Variants in WDR87 observed in about 807,000 individuals in gnomAD.
The protein encoded by WDR87 is WD repeat-containing protein 87.
In WDR87, 56 loss-of-function variants were observed where a neutral mutation model predicts 83.3. The ratio of observed to expected loss-of-function variants is 0.67; its 90% CI spans 0.54 to 0.84. The LOEUF (loss-of-function observed/expected upper bound fraction) is 0.84, where lower values mean the gene tolerates loss of function less well. Among genes scored for constraint, WDR87 ranks in the 40% least tolerant of loss-of-function variants. The pLI, the probability that WDR87 is intolerant of heterozygous loss-of-function variation, is 0.00. For missense variants in WDR87, 2,939 were observed against 3,431.9 expected (o/e 0.86, Z 3.59); for synonymous variants, 1,173 against 1,250.6 (o/e 0.94, Z 1.31).
At position 37,896,456 on chromosome 19, in the gene WDR87, C is replaced by G. The variant is rs192204827; in HGVS notation, c.76-148G>C. ...TTACACTCACACGTGCATAACTTAT[C>G]ACCTGTGGCACAGCTATACTTCACA... is the stretch of plus-strand genomic sequence containing the variant. On this transcript the variant is annotated intron_variant, in intron 2 of 5. Transcript: ENST00000447313. 678 of 768,462 alleles carry G rather than the reference C, an allele frequency of 8.8e-4. 13 individuals carry two copies. The East Asian group carries it at 0.017, about 20-fold the overall frequency. The allele number at this position is 768,462 out of a possible 1,614,324, so 47.6% of individuals were successfully genotyped here. A position where few individuals can be genotyped will look rare whatever the true frequency, so the allele number is the denominator to read the frequency against.
At chr19:37,900,699 T>G (rs1034306909) in intron 1 of WDR87, among the ~76,000 whole-genome samples, 4 of 152,016 alleles carry the variant, frequency 2.6e-5, no homozygotes, top group Non-Finnish European at 4.4e-5. Flanking sequence ...TGGGACTGGC[T>G]GGCAGCACAC....
rs770688240 is a variant in WDR87 at position 37,887,638 on chromosome 19, C to T, written c.6033G>A (p.Glu2011=). ...ALNLEMKRLA[E]EKMRLVEGKE... The stretch of plus-strand genomic sequence containing the variant: ...TTCCCTCAACCAGTCTCATCTTCTC[C>T]TCAGCCAGTCTTTTCATTTCCAGGT... The change falls in exon 6 of 6, where the codon GAG becomes GAA. Residue 2011 remains glutamate (E), a synonymous_variant. Transcript: ENST00000447313. 1 of 1,552,022 alleles carries T rather than the reference C, an allele frequency of 6.4e-7. No individual in the cohort carries two copies. Among genetic ancestry groups the T allele is most frequent in the East Asian group, 2.4e-5 (1 of 40,932 alleles).
chr19:37,889,731 C>A lies in WDR87; in HGVS notation c.3940G>T (p.Glu1314Ter), dbSNP rs1352796531. ...CTGGGGTGCCTATCTACCAGCATCT[C>A]CTGAGCAAATGTCACTAGCTCAGCG... Reference protein sequence around the residue: ...LNAELVTFAQEMLVDRHPSWE... With the variant: ...LNAELVTFAQ Residue 1314 changes from glutamate (E) to a stop codon, truncating the protein, a stop_gained, in exon 6 of 6, where the codon GAG becomes TAG. Coordinates refer to ENST00000447313, the MANE Select transcript of WDR87 (RefSeq NM_001291088.2). LOFTEE classifies it low-confidence loss of function (END_TRUNC). 1.3e-6 allele frequency: 2 copies of A among 1,551,728 alleles called. No individual in the cohort carries two copies. The highest frequency in any genetic ancestry group is 2.4e-5 in the South Asian group (2 of 84,062).
Position 37,896,272 on chromosome 19 carries a change from G to C in WDR87, c.112C>G (p.Leu38Val), listed in dbSNP as rs773365686. The C allele has an allele frequency of 6.4e-7, 1 of 1,551,960 alleles. No homozygotes were observed. Among genetic ancestry groups the C allele is most frequent in the South Asian group, 1.2e-5 (1 of 84,062 alleles). Residue 38 changes from leucine (L) to valine (V), a missense_variant, in exon 3 of 6, where the codon CTG becomes GTG. By Grantham distance (32) the Leu-to-Val change is conservative. Transcript: ENST00000447313. ...AACAGTACCTGGGACCGGTCACTCA[G>C]CACAATCAGGCAGTTCTTTGGGTCT... ...SEDPKNCLIV[L>V]SDRSQVLFKE...
In WDR87 at chr19:37,895,308, A is replaced by T. The variant is rs2046245217; in HGVS notation, c.395T>A (p.Leu132His). The T allele has an allele frequency of 6.4e-7, 1 of 1,551,610 alleles. No individual in the cohort carries two copies. The highest frequency in any genetic ancestry group is 1.4e-5 in the African/African-American group (1 of 73,054). ...GAATGCCCGAAAGTGGTCCCCAAAG[A>T]GTCGCAGGATCAGGTCACCACAGTA... Reference protein sequence around the residue: ...VVYCGDLILRLFGDHFRAFKP... With the variant: ...VVYCGDLILRHFGDHFRAFKP... The change falls in exon 4 of 6, where the codon CTC becomes CAC. Residue 132 changes from leucine (L) to histidine (H), a missense_variant. Physicochemically the swap from Leu to His is moderately conservative, Grantham distance 99 (BLOSUM62 -3). Transcript: ENST00000447313.
Position 37,892,893 on chromosome 19 carries a change from T to C in WDR87, c.2810A>G (p.Tyr937Cys). Residue 937 changes from tyrosine (Y) to cysteine (C), a missense_variant, in exon 4 of 6, where the codon TAC becomes TGC. This residue lies in a region of WDR87 where 2,160 missense variants were observed against 2,533.1 expected (regional missense o/e 0.85). Coordinates refer to ENST00000447313, the MANE Select transcript of WDR87 (RefSeq NM_001291088.2). ...NIMVHASLLK[Y>C]QCCVGALGQI... ...CCCTAGTGCACCAACACAGCACTGG[T>C]ACTTCAGCAAGGAAGCATGGACCAT... is the stretch of plus-strand genomic sequence containing the variant. 1 of 1,552,088 alleles carries C rather than the reference T, an allele frequency of 6.4e-7. No individual in the cohort carries two copies. Among genetic ancestry groups the C allele is most frequent in the Non-Finnish European group, 8.7e-7 (1 of 1,147,062 alleles).
At position 37,889,055 on chromosome 19, in the gene WDR87, C is replaced by T; in HGVS notation, c.4616G>A (p.Gly1539Glu). Residue 1539 changes from glycine to glutamate, a missense_variant, in exon 6 of 6, where the codon GGA becomes GAA. Physicochemically the swap from Gly to Glu is moderately conservative, Grantham distance 98 (BLOSUM62 -2). This residue lies in a region of WDR87 where 2,160 missense variants were observed against 2,533.1 expected (regional missense o/e 0.85). Transcript: ENST00000447313. ...TTCCTCCTCCGGGGATAGCTTCTCT[C>T]CAGCCTGATGTAGTTTCTCCTCTTC... ...LQEEEKLHQA[G>E]EKLSPEEEML... 2.6e-6 allele frequency: 4 copies of T among 1,552,076 alleles called. No individual in the cohort carries two copies. The highest frequency in any genetic ancestry group is 3.5e-6 in the Non-Finnish European group (4 of 1,147,080).
rs541048109 is a variant in WDR87, at chr19:37,893,120, G to C, written c.2583C>G (p.Phe861Leu). The change falls in exon 4 of 6, where the codon TTC becomes TTG. Residue 861 changes from phenylalanine (F) to leucine (L), a missense_variant. Physicochemically the swap from Phe to Leu is conservative, Grantham distance 22. This residue lies in a region of WDR87 where 2,160 missense variants were observed against 2,533.1 expected (regional missense o/e 0.85). Transcript: ENST00000447313. ...RELEWDRSQE[F>L]FFWHSRVRAI... ...CTCTTACCCTGCTGTGCCAGAAAAAGAATTCTTGAGACCTGTCCCATTCCA... is the reference window on the plus strand; with the variant it reads ...CTCTTACCCTGCTGTGCCAGAAAAACAATTCTTGAGACCTGTCCCATTCCA... 36 of 1,551,676 alleles carry C rather than the reference G, an allele frequency of 2.3e-5. No individual in the cohort carries two copies. The highest frequency in any genetic ancestry group is 3.0e-5 in the Non-Finnish European group (34 of 1,147,038).
Position 37,885,237 on chromosome 19 carries a change from G to T in WDR87, c.8434C>A (p.Gln2812Lys). The change falls in exon 6 of 6, where the codon CAG becomes AAG. Residue 2812 changes from glutamine (Q) to lysine (K), a missense_variant. This residue lies in a region of WDR87 where 2,160 missense variants were observed against 2,533.1 expected (regional missense o/e 0.85). Coordinates refer to ENST00000447313, the MANE Select transcript of WDR87 (RefSeq NM_001291088.2). Reference sequence around the variant, plus strand: ...GGTTCCTCTCTCATTAGCAGCTCCTGAAGCAGCTTCTGGATTCTGGGGGAC... The same window carrying T: ...GGTTCCTCTCTCATTAGCAGCTCCTTAAGCAGCTTCTGGATTCTGGGGGAC... The part of the protein sequence containing the change: ...LKSPRIQKLL[Q>K]ELLMREEPQP... 1 of 1,509,208 alleles carries T rather than the reference G, an allele frequency of 6.6e-7. No individual in the cohort carries two copies. Among genetic ancestry groups the T allele is most frequent in the South Asian group, 1.3e-5 (1 of 75,242 alleles). The allele number at this position is 1,509,208 out of a possible 1,614,324, so 93.5% of individuals were successfully genotyped here.
Position 37,889,547 on chromosome 19 carries a change from A to G in WDR87, c.4124T>C (p.Val1375Ala). Reference protein sequence around the residue: ...EDMIQGVTQEVIRHKEVMPRE... With the variant: ...EDMIQGVTQEAIRHKEVMPRE... ...TGGCATCACTTCCTTGTGTCTGATCACCTCTTGGGTCACACCTTGTATCAT... is the reference window on the plus strand; with the variant it reads ...TGGCATCACTTCCTTGTGTCTGATCGCCTCTTGGGTCACACCTTGTATCAT... The change falls in exon 6 of 6, where the codon GTG (valine) becomes GCG (alanine). Residue 1375 changes from valine to alanine, a missense_variant. Coordinates refer to ENST00000447313, the MANE Select transcript of WDR87 (RefSeq NM_001291088.2). 1 of 1,551,398 alleles carries G rather than the reference A, an allele frequency of 6.4e-7. No individual in the cohort carries two copies. Among genetic ancestry groups the G allele is most frequent in the Non-Finnish European group, 8.7e-7 (1 of 1,146,960 alleles).
chr19:37,901,462 AAAC>A (rs1248719710), intron 1 of WDR87, among the ~76,000 whole-genome samples: 2 of 152,022 alleles, frequency 1.3e-5, no homozygotes, highest in Admixed American at 1.3e-4. Flanking sequence ...CAAAAAACCC[AAAC>A]AACAACCACA....
intron 5 of WDR87, among the ~76,000 whole-genome samples, chr19:37,891,185 A>G (rs2046201934): frequency 7.6e-6 from 1 of 131,086 alleles, no homozygotes; most frequent in Admixed American, 8.2e-5. Flanking sequence ...TTTTTTTGAG[A>G]TGGAGTTTCG....
intron 3 of WDR87, 137 bp from the exon 4 acceptor site, chr19:37,895,593 C>T (rs570513639): frequency 1.4e-6 from 1 of 726,298 alleles, no homozygotes; most frequent in East Asian, 2.7e-5. Context: ...CATGGTGAAA[C>T]CCCATCTCTA....
At position 37,893,389 on chromosome 19, in the gene WDR87, T is replaced by C. The variant is rs2046224606; in HGVS notation, c.2314A>G (p.Met772Val). The change falls in exon 4 of 6, where the codon ATG (methionine) becomes GTG (valine). Residue 772 changes from methionine to valine, a missense_variant. Transcript: ENST00000447313. ...TTGCTCACCTGCATCCAATCTTCCA[T>C]GTCCTGCAAAGAATAATGCATGGAG... Reference protein sequence around the residue: ...RSSMHYSLQDMEDWMQVSKRY... With the variant: ...RSSMHYSLQDVEDWMQVSKRY... 8 of 1,552,184 alleles carry C rather than the reference T, an allele frequency of 5.2e-6. No homozygotes were observed. Among genetic ancestry groups the C allele is most frequent in the Non-Finnish European group, 7.0e-6 (8 of 1,147,112 alleles).
At chr19:37,904,684 T>A (rs2046313001) in intron 1 of WDR87, among the ~76,000 whole-genome samples, 1 of 152,156 alleles carries the variant, frequency 6.6e-6, no homozygotes, top group Admixed American at 6.5e-5. Flanking sequence ...AGTGATAGTA[T>A]ACTATATACA....
intron 1 of WDR87, among the ~76,000 whole-genome samples, chr19:37,899,255 C>T (rs891471474): frequency 2.0e-5 from 3 of 151,714 alleles, no homozygotes; most frequent in African/African-American, 7.3e-5. Flanking sequence ...CCCGTCTCTA[C>T]TAAAAATACA....
Position 37,886,311 on chromosome 19 carries a change from A to G in WDR87, c.7360T>C (p.Trp2454Arg). 3 of 1,551,620 alleles carry G rather than the reference A, an allele frequency of 1.9e-6. No homozygotes were observed. The highest frequency in any genetic ancestry group is 2.6e-6 in the Non-Finnish European group (3 of 1,146,972). The change falls in exon 6 of 6, where the codon TGG becomes CGG. Residue 2454 changes from tryptophan (W) to arginine (R), a missense_variant. Coordinates refer to ENST00000447313, the MANE Select transcript of WDR87 (RefSeq NM_001291088.2). Reference sequence around the variant, plus strand: ...ACTACTGTGGCCTTTTTATCTTCCCAGGATATTTGTTTCTCCGGCACTGGC... The same window carrying G: ...ACTACTGTGGCCTTTTTATCTTCCCGGGATATTTGTTTCTCCGGCACTGGC... ...PVPVPEKQIS[W>R]EDKKATVVEI...
rs117520417 is a variant in WDR87, at chr19:37,885,345, G to A, written c.8326C>T (p.Arg2776Trp). 4.3e-3 allele frequency: 6,729 copies of A among 1,551,650 alleles called. 225 individuals carry two copies. The Admixed American group carries it at 0.06, about 14-fold the overall frequency. The stretch of plus-strand genomic sequence containing the variant: ...TTTGGATATCGCTGCTGCAGCATCC[G>A]CAAAACATGGTACAGTGCCACAAAT... ...ETFVALYHVL[R>W]MLQQRYPKDS... Residue 2776 changes from arginine to tryptophan, a missense_variant, in exon 6 of 6, where the codon CGG becomes TGG. By Grantham distance (101) the Arg-to-Trp change is moderately radical. Around this residue, in one of 3 missense-constraint regions of WDR87, gnomAD observed 2,160 missense variants for 2,533.1 expected, o/e 0.85. Coordinates refer to ENST00000447313, the MANE Select transcript of WDR87 (RefSeq NM_001291088.2).
rs755987193 is a variant in WDR87, at chr19:37,894,722, T to C, written c.981A>G (p.Leu327=). The C allele has an allele frequency of 6.4e-7, 1 of 1,551,730 alleles. No homozygotes were observed. The highest frequency in any genetic ancestry group is 8.7e-7 in the Non-Finnish European group (1 of 1,147,006). Residue 327 remains leucine (L), a synonymous_variant, in exon 4 of 6, where the codon CTA becomes CTG. Coordinates refer to ENST00000447313, the MANE Select transcript of WDR87 (RefSeq NM_001291088.2). ...TGCTGTCAATAAACTGGAGCCGGTATAGCTCCTCACCAAGCTCTAGCCGCC... is the reference window on the plus strand; with the variant it reads ...TGCTGTCAATAAACTGGAGCCGGTACAGCTCCTCACCAAGCTCTAGCCGCC... The part of the protein sequence containing the change: ...LLRRLELGEE[L]YRLQFIDSIT...
Sources: gnomAD v4.1 joint callset for allele counts (sites outside exome capture counted in the v4.1 genomes callset) on GRCh38, gnomAD v4.1.1 for gene constraint, gnomAD v4.1.1 regional missense constraint, MANE v1.5 for transcripts, NCBI Gene and HGNC (gene_info 2026-07-23, HGNC 2026-07-21) for gene names.